The following ELOVL2 variants were observed in gnomAD, a reference collection of about 807,000 sequenced individuals.
The protein encoded by ELOVL2 is very long chain fatty acid elongase 2.
Under a neutral mutation model 37.7 loss-of-function variants are expected in ELOVL2, and 38 were observed. That is an observed-to-expected ratio of 1.01 (90% CI 0.78 to 1.32). The LOEUF is 1.32. Ranked by LOEUF, ELOVL2 falls within the 40% of genes most tolerant of loss-of-function variation. The pLI, the probability that ELOVL2 is intolerant of heterozygous loss-of-function variation, is 0.00. For missense variants in ELOVL2, 352 were observed against 363.6 expected (o/e 0.97, Z 0.26); for synonymous variants, 115 against 122.3 (o/e 0.94, Z 0.40).
At chr6:11,034,315 A>G (rs958846895) in intron 1 of ELOVL2, among the ~76,000 whole-genome samples, 6 of 152,046 alleles carry the variant, frequency 3.9e-5, no homozygotes, top group African/African-American at 1.4e-4. Flanking sequence ...CAAATTCAAG[A>G]CTCTTTAAAA....
At chr6:11,013,487 C>T (rs139574089) in intron 1 of ELOVL2, among the ~76,000 whole-genome samples, 56 of 152,228 alleles carry the variant, frequency 3.7e-4, no homozygotes, top group African/African-American at 1.3e-3. Context: ...AGATTAACAC[C>T]AACTTAGGAG....
chr6:11,022,497 T>C (rs1466812773), intron 1 of ELOVL2, among the ~76,000 whole-genome samples: 1 of 152,142 alleles, frequency 6.6e-6, no homozygotes, highest in East Asian at 1.9e-4. Flanking sequence ...GAAAAAACTC[T>C]CTGGGTATGG....
At chr6:11,011,936 GC>G (rs1293339568) in intron 1 of ELOVL2, among the ~76,000 whole-genome samples, 1 of 152,184 alleles carries the variant, frequency 6.6e-6, no homozygotes, top group African/African-American at 2.4e-5. Flanking sequence ...CTGTGTGTGA[GC>G]TGAGCATGAC....
chr6:10,997,128 A>G lies in ELOVL2; in HGVS notation c.334-1950T>C, dbSNP rs542058438. Reference sequence around the variant, plus strand: ...TCAAACATTCACTAATGCAAGGAGAATAAGTCAAATGAACACTCAGCATCC... The same window carrying G: ...TCAAACATTCACTAATGCAAGGAGAGTAAGTCAAATGAACACTCAGCATCC... On this transcript the variant is annotated intron_variant, in intron 4 of 7. Coordinates refer to ENST00000354666, the MANE Select transcript of ELOVL2 (RefSeq NM_017770.4). Among the ~76,000 whole-genome samples the G allele has an allele frequency of 1.6e-4, 24 of 152,378 alleles. 1 individual carries two copies. Among genetic ancestry groups the G allele is most frequent in the African/African-American group, 3.6e-4 (15 of 41,592 alleles).
chr6:11,002,333 A>AT (rs955428378), intron 3 of ELOVL2, among the ~76,000 whole-genome samples: 5 of 152,196 alleles, frequency 3.3e-5, no homozygotes, highest in Non-Finnish European at 7.3e-5. Context: ...AACTCAATAC[A>AT]TATTTGTTGA....
At chr6:11,015,450 C>T (rs879285398) in intron 1 of ELOVL2, 1 of 153,332 alleles carries the variant, frequency 6.5e-6, no homozygotes, top group Non-Finnish European at 1.5e-5. Context: ...GCCTCCCCTA[C>T]CTCATCACAC....
At position 10,983,702 on chromosome 6, in the gene ELOVL2, T is replaced by C. The variant is rs1781986627; in HGVS notation, c.*79A>G. The C allele has an allele frequency of 3.5e-6, 5 of 1,445,946 alleles. No individual in the cohort carries two copies. Among genetic ancestry groups the C allele is most frequent in the Admixed American group, 2.6e-5 (1 of 38,888 alleles). 89.6% of individuals were successfully genotyped at this position (1,445,946 alleles called of 1,614,324 possible). On this transcript the variant is annotated 3_prime_UTR_variant, in exon 8 of 8. Coordinates refer to ENST00000354666, the MANE Select transcript of ELOVL2 (RefSeq NM_017770.4). ...AAAGAAATTAGTTTATCCTAAAACA[T>C]GTAACCTTCAATTCAGTCTTTGCTT...
In ELOVL2 at chr6:11,044,237, C is replaced by T; in HGVS notation, c.-7G>A. 3 of 1,377,514 alleles carry T rather than the reference C, an allele frequency of 2.2e-6. No individual in the cohort carries two copies. The highest frequency in any genetic ancestry group is 3.0e-5 in the African/African-American group (2 of 66,596). The allele number at this position is 1,377,514 out of a possible 1,614,324, so 85.3% of individuals were successfully genotyped here. A position where few individuals can be genotyped will look rare whatever the true frequency, so the allele number is the denominator to read the frequency against. The stretch of plus-strand genomic sequence containing the variant: ...GCGCGGCCCCACTCACCATGATCCG[C>T]AGCGGCTGTGGCGCGGCGACCCGGG... On this transcript the variant is annotated 5_prime_UTR_variant, in exon 1 of 8. Transcript: ENST00000354666. The surrounding 1 kb of genome is among the most constrained non-coding windows in gnomAD (Gnocchi z 5.6).
At chr6:10,999,669 C>T (rs566345231) in intron 4 of ELOVL2, among the ~76,000 whole-genome samples, 12 of 152,252 alleles carry the variant, frequency 7.9e-5, no homozygotes, top group African/African-American at 1.7e-4. Flanking sequence ...CCACCATGCC[C>T]GGCAGAAACA....
chr6:11,008,680 T>C (rs940165949), intron 2 of ELOVL2, among the ~76,000 whole-genome samples: 4 of 152,036 alleles, frequency 2.6e-5, no homozygotes, highest in African/African-American at 4.8e-5. Context: ...GGAGAGAACA[T>C]AGTAAAAGTA....
intron 1 of ELOVL2, among the ~76,000 whole-genome samples, chr6:11,022,403 C>T (rs1480509059): frequency 6.6e-6 from 1 of 152,166 alleles, no homozygotes; most frequent in East Asian, 1.9e-4. Context: ...AGAGAGGGGC[C>T]TGAGCAAGAG....
At chr6:11,037,865 ATGTT>A (rs1026668907) in intron 1 of ELOVL2, among the ~76,000 whole-genome samples, 4 of 152,322 alleles carry the variant, frequency 2.6e-5, no homozygotes, top group African/African-American at 9.6e-5. Flanking sequence ...TATATTTAAT[ATGTT>A]TAAGTGTATA....
chr6:11,002,143 G>A (rs1782398371), intron 3 of ELOVL2, among the ~76,000 whole-genome samples: 1 of 152,090 alleles, frequency 6.6e-6, no homozygotes, highest in South Asian at 2.1e-4. Flanking sequence ...CCTTCCAAGG[G>A]CCCAATGTCA....
At chr6:11,021,231 C>T (rs1259637817) in intron 1 of ELOVL2, among the ~76,000 whole-genome samples, 6 of 152,240 alleles carry the variant, frequency 3.9e-5, no homozygotes, top group Non-Finnish European at 8.8e-5. Context: ...TGTGCCACTG[C>T]ATGTGTTCTT....
intron 1 of ELOVL2, among the ~76,000 whole-genome samples, chr6:11,016,719 C>G (rs566957563): frequency 6.6e-6 from 1 of 152,194 alleles, no homozygotes; most frequent in African/African-American, 2.4e-5. Flanking sequence ...ATGTTGAAAC[C>G]TCTTTTGGTA....
chr6:10,985,741 G>C (rs1309070800), intron 7 of ELOVL2, among the ~76,000 whole-genome samples: 1 of 151,968 alleles, frequency 6.6e-6, no homozygotes, highest in African/African-American at 2.4e-5. Context: ...TGCTGTTTTG[G>C]TTACTGTAGC....
At chr6:11,020,951 T>C (rs1379652097) in intron 1 of ELOVL2, among the ~76,000 whole-genome samples, 4 of 152,226 alleles carry the variant, frequency 2.6e-5, no homozygotes, top group African/African-American at 9.7e-5. Flanking sequence ...CTATAGTAGT[T>C]TGGATGTATA....
intron 1 of ELOVL2, among the ~76,000 whole-genome samples, chr6:11,022,977 AAAATG>A (rs1361484066): frequency 6.6e-6 from 1 of 152,260 alleles, no homozygotes. Flanking sequence ...TCAAGTGAAT[AAAATG>A]AAATCTGCCA....
At chr6:10,987,360 CTGATT>C (rs1356911664) in intron 7 of ELOVL2, among the ~76,000 whole-genome samples, 1 of 152,098 alleles carries the variant, frequency 6.6e-6, no homozygotes, top group Non-Finnish European at 1.5e-5. Flanking sequence ...CAGTTCTGCT[CTGATT>C]TTAGTTATTT....
Sources: allele counts gnomAD v4.1 joint callset (sites outside exome capture counted in the v4.1 genomes callset), GRCh38; gene constraint gnomAD v4.1.1; non-coding constraint Gnocchi (gnomAD v3.1); transcripts MANE v1.5; gene names NCBI Gene and HGNC (gene_info 2026-07-23, HGNC 2026-07-21).